Variants in GABRG3 observed in about 807,000 individuals in gnomAD.
GABRG3 encodes gamma-aminobutyric acid receptor subunit gamma-3.
In GABRG3, 25 loss-of-function variants were observed where a neutral mutation model predicts 48.8. The observed-to-expected ratio is 0.51, with a 90% confidence interval of 0.37 to 0.72. GABRG3 has a LOEUF of 0.72. Among genes scored for constraint, GABRG3 ranks in the 30% least tolerant of loss-of-function variants. The pLI, the probability that GABRG3 is intolerant of heterozygous loss-of-function variation, is 0.00. For synonymous variants in GABRG3, 227 were observed against 217.6 expected, an observed-to-expected ratio of 1.04 and a Z score of -0.38; for missense variants, 394 against 577.9, an observed-to-expected ratio of 0.68 and a Z score of 3.26.
intron 3 of GABRG3, among the ~76,000 whole-genome samples, chr15:27,140,955 C>T (rs1004614144): frequency 2.2e-4 from 34 of 152,060 alleles, no homozygotes; most frequent in African/African-American, 8.2e-4. Context: ...GGTTAGCTGT[C>T]GTCCTTCATA....
chr15:27,467,408 T>C (rs902599098), intron 5 of GABRG3, among the ~76,000 whole-genome samples: 1 of 152,078 alleles, frequency 6.6e-6, no homozygotes, highest in Non-Finnish European at 1.5e-5. Context: ...CCACTGCACT[T>C]TTAGGAGGTG....
intron 5 of GABRG3, among the ~76,000 whole-genome samples, chr15:27,417,061 T>C (rs1463348356): frequency 3.3e-5 from 5 of 152,200 alleles, no homozygotes; most frequent in Non-Finnish European, 7.3e-5. Flanking sequence ...GGAGGTGATA[T>C]TACCATCCCA....
intron 3 of GABRG3, among the ~76,000 whole-genome samples, chr15:27,307,864 T>TATATAAAATGAACATGTTTATATATAA (rs1892715819): frequency 4.5e-5 from 6 of 134,228 alleles, no homozygotes; most frequent in African/African-American, 1.6e-4. Context: ...TATATAAATA[T>TATATAAAATGAACATGTTTATATATAA]ATATAAATGT....
intron 3 of GABRG3, among the ~76,000 whole-genome samples, chr15:27,170,806 G>C (rs1416300972): frequency 6.6e-6 from 1 of 152,156 alleles, no homozygotes; most frequent in Non-Finnish European, 1.5e-5. Flanking sequence ...TATTTTCGTA[G>C]CACTTTTCCT....
At chr15:27,429,672 C>T (rs1888391966) in intron 5 of GABRG3, among the ~76,000 whole-genome samples, 1 of 152,132 alleles carries the variant, frequency 6.6e-6, no homozygotes, top group South Asian at 2.1e-4. Context: ...TGATATATGG[C>T]CTTTTGTGAC....
At chr15:27,363,384 G>A (rs1895086410) in intron 5 of GABRG3, 1 of 152,060 alleles carries the variant, frequency 6.6e-6, no homozygotes, top group African/African-American at 2.4e-5. Context: ...AAAATCTTAA[G>A]ACTAGAATGG....
intron 3 of GABRG3, among the ~76,000 whole-genome samples, chr15:27,308,704 A>T (rs376422234): frequency 1.3e-5 from 2 of 149,870 alleles, no homozygotes; most frequent in South Asian, 4.3e-4. Context: ...TAATGTAAAC[A>T]TACGTTTATA....
intron 3 of GABRG3, among the ~76,000 whole-genome samples, chr15:27,248,801 CACAG>C (rs1305995761): frequency 0.023 from 2,760 of 120,468 alleles, 29 homozygotes; most frequent in Non-Finnish European, 0.033. Flanking sequence ...CACACACACA[CACAG>C]AGAGAGAGAG....
chr15:27,218,571 C>T (rs575949712), intron 3 of GABRG3, among the ~76,000 whole-genome samples: 22 of 152,248 alleles, frequency 1.4e-4, no homozygotes, highest in South Asian at 6.2e-4. Context: ...CGTTGCTCAG[C>T]GTCTCCACTC....
At chr15:27,398,225 A>G (rs1595728733) in intron 5 of GABRG3, among the ~76,000 whole-genome samples, 1 of 152,232 alleles carries the variant, frequency 6.6e-6, no homozygotes, top group Non-Finnish European at 1.5e-5. Context: ...CTTTGCAGGA[A>G]CAACAGTTTC....
At chr15:27,306,983 T>A (rs1473459142) in intron 3 of GABRG3, among the ~76,000 whole-genome samples, 4 of 117,838 alleles carry the variant, frequency 3.4e-5, no homozygotes, top group African/African-American at 1.5e-4. Context: ...ATATATAATA[T>A]AAACATGTTT....
chr15:27,038,308 T>C (rs1397797636), intron 3 of GABRG3, among the ~76,000 whole-genome samples: 1 of 152,178 alleles, frequency 6.6e-6, no homozygotes. Context: ...CGTCACATGG[T>C]GCAGGGGACA....
chr15:27,116,182 T>C (rs1054291509), intron 3 of GABRG3, among the ~76,000 whole-genome samples: 4 of 152,198 alleles, frequency 2.6e-5, no homozygotes, highest in African/African-American at 7.2e-5. Context: ...TGGTGAGTTC[T>C]GGCTAAACTG....
Position 27,138,774 on chromosome 15 carries a change from G to GT in GABRG3, c.270+111954dup, listed in dbSNP as rs1898052634. 2.0e-5 allele frequency among the ~76,000 whole-genome samples: 3 copies of GT among 152,308 alleles called. 1 individual carries two copies. The South Asian group carries it at 6.2e-4, about 32-fold the overall frequency. On this transcript the variant is annotated intron_variant, in intron 3 of 9. Transcript: ENST00000615808. ...CCATTGTCTTTTGGTTTTGCCTGTT[G>GT]TGAGTCCTATATCATTCTGAATAAT...
chr15:27,293,297 CA>C (rs1891855084), intron 3 of GABRG3, among the ~76,000 whole-genome samples: 1 of 152,012 alleles, frequency 6.6e-6, no homozygotes, highest in South Asian at 2.1e-4. Flanking sequence ...CATTATATAA[CA>C]AAGATCTGAT....
At chr15:27,036,516 A>G (rs529024926) in intron 3 of GABRG3, among the ~76,000 whole-genome samples, 2 of 152,214 alleles carry the variant, frequency 1.3e-5, no homozygotes, top group African/African-American at 4.8e-5. Context: ...ATGGTGAAAT[A>G]CCGTCTCTAC....
intron 2 of GABRG3, among the ~76,000 whole-genome samples, chr15:27,004,019 G>A (rs952282839): frequency 2.0e-5 from 3 of 149,028 alleles, no homozygotes; most frequent in African/African-American, 4.9e-5. Flanking sequence ...GCGGCTGTCC[G>A]GGCGGGGGGC....
At chr15:27,313,262 G>GTATGTATA (rs1893076810) in intron 3 of GABRG3, among the ~76,000 whole-genome samples, 2 of 34,562 alleles carry the variant, frequency 5.8e-5, no homozygotes, top group Non-Finnish European at 1.1e-4. Context: ...GTGTGTGTGT[G>GTATGTATA]TATATATATA....
At chr15:27,098,246 C>G (rs1386609335) in intron 3 of GABRG3, among the ~76,000 whole-genome samples, 3 of 152,062 alleles carry the variant, frequency 2.0e-5, no homozygotes, top group Admixed American at 2.0e-4. Context: ...CCAGCCTGAC[C>G]AACATGGTGA....
Sources: allele counts gnomAD v4.1 joint callset (sites outside exome capture counted in the v4.1 genomes callset), GRCh38; gene constraint gnomAD v4.1.1; transcripts MANE v1.5; gene names NCBI Gene and HGNC (gene_info 2026-07-23, HGNC 2026-07-21).